The following CLEC12A variants were observed in gnomAD, a reference collection of about 807,000 sequenced individuals.
CLEC12A encodes C-type lectin protein CLL-1.
Under a neutral mutation model 26.5 loss-of-function variants are expected in CLEC12A, and 22 were observed. That is an observed-to-expected ratio of 0.83 (90% CI 0.59 to 1.19). CLEC12A has a LOEUF of 1.19. Among genes scored for constraint, CLEC12A ranks in the 50% most tolerant of loss-of-function variants. The pLI, the probability that CLEC12A is intolerant of heterozygous loss-of-function variation, is 0.00. For missense variants in CLEC12A, 353 were observed against 315.6 expected, an observed-to-expected ratio of 1.12 and a Z score of -0.90; for synonymous variants, 119 against 101.9, an observed-to-expected ratio of 1.17 and a Z score of -1.01.
chr12:9,957,794 T>A (rs1023879795), intron 1 of CLEC12A, among the ~76,000 whole-genome samples: 6 of 152,226 alleles, frequency 3.9e-5, no homozygotes, highest in Non-Finnish European at 7.3e-5. Context: ...AGGGTGAAAT[T>A]CAATCGAATA....
chr12:9,994,847 ACACT>A (rs1173168219), intron 4 of CLEC12A, among the ~76,000 whole-genome samples: 4 of 152,056 alleles, frequency 2.6e-5, no homozygotes, highest in South Asian at 2.1e-4. Flanking sequence ...ACACACACAC[ACACT>A]CACACATACA....
At chr12:9,975,226 T>C (rs947082622) in intron 1 of CLEC12A, among the ~76,000 whole-genome samples, 10 of 152,152 alleles carry the variant, frequency 6.6e-5, no homozygotes, top group African/African-American at 2.4e-4. Context: ...TACCCAAAAA[T>C]CTGAAAGAGA....
At chr12:10,002,764 T>C in the CLEC12A span, among the ~76,000 whole-genome samples, 1 of 152,170 alleles carries the variant, frequency 6.6e-6, no homozygotes, top group Non-Finnish European at 1.5e-5. Flanking sequence ...TTTTAATCAT[T>C]ACACTTCTTG....
chr12:9,999,194 C>G, downstream of CLEC12A: 4 of 812,310 alleles, frequency 4.9e-6, no homozygotes, highest in Non-Finnish European at 8.3e-6. Flanking sequence ...AGTTTATGAT[C>G]TTCCTGTCTT....
the CLEC12A span, among the ~76,000 whole-genome samples, chr12:10,003,300 T>A: frequency 1.3e-5 from 2 of 152,222 alleles, no homozygotes; most frequent in African/African-American, 4.8e-5. Context: ...GAGCTTTTTT[T>A]TAAAGTTAAT....
At chr12:9,964,217 G>A (rs1233585814) in intron 1 of CLEC12A, among the ~76,000 whole-genome samples, 1 of 152,172 alleles carries the variant, frequency 6.6e-6, no homozygotes, top group Non-Finnish European at 1.5e-5. Flanking sequence ...AGCTGGACCT[G>A]TCTAGAAAGT....
intron 5 of CLEC12A, among the ~76,000 whole-genome samples, chr12:9,983,130 C>T (rs910481651): frequency 3.3e-5 from 5 of 151,826 alleles, no homozygotes; most frequent in African/African-American, 1.2e-4. Context: ...GTGTAGGTGT[C>T]TTTTTTTTAA....
chr12:9,951,600 C>G (rs1390464948), intron 1 of CLEC12A: 5 of 515,768 alleles, frequency 9.7e-6, no homozygotes, highest in South Asian at 9.1e-5. Flanking sequence ...CCGAAGGAAT[C>G]TCCATTTGCA....
At chr12:9,970,790 A>G (rs1864098267), upstream of CLEC12A, among the ~76,000 whole-genome samples, 2 of 152,184 alleles carry the variant, frequency 1.3e-5, no homozygotes. Flanking sequence ...ATCAGTATGC[A>G]TACTCTCTGG....
chr12:9,994,869 GCACA>G (rs1316618119), intron 4 of CLEC12A: 2 of 650,462 alleles, frequency 3.1e-6, no homozygotes, highest in Admixed American at 3.0e-5. Context: ...ACACATACAT[GCACA>G]CAGTGTTCCA....
At position 9,994,675 on chromosome 12, in the gene CLEC12A, C is replaced by T. The variant is rs74928872; in HGVS notation, n.1005-343C>T. Among the ~76,000 whole-genome samples the T allele has an allele frequency of 9.0e-3, 1,368 of 152,068 alleles. 18 individuals are homozygous for T. Among genetic ancestry groups the T allele is most frequent in the African/African-American group, 0.031 (1,294 of 41,484 alleles). ...AATGTATCGAATTCTTGGAGACTCC[C>T]AGAATAGAGGAATAGGCAAAACAAT... On this transcript the variant is annotated intron_variant and non_coding_transcript_variant, in intron 4 of 4. Coordinates refer to the CLEC12A transcript ENST00000449959.
chr12:10,002,738 G>A, the CLEC12A span, among the ~76,000 whole-genome samples: 354 of 152,178 alleles, frequency 2.3e-3, 3 homozygotes, highest in African/African-American at 7.9e-3. Flanking sequence ...CACCGCACCC[G>A]GCAATTTGAG....
intron 1 of CLEC12A, among the ~76,000 whole-genome samples, chr12:9,960,330 A>G (rs567995849): frequency 6.6e-6 from 1 of 152,366 alleles, no homozygotes; most frequent in South Asian, 2.1e-4. Context: ...CACATATAAG[A>G]TATAATGAAT....
chr12:9,976,782 G>A (rs117727468), intron 1 of CLEC12A, among the ~76,000 whole-genome samples: 1,619 of 152,258 alleles, frequency 0.011, 18 homozygotes, highest in Middle Eastern at 0.017. Flanking sequence ...CAATTTCCAC[G>A]TGTTGTTGGA....
At chr12:9,989,702 A>G (rs1469336925), downstream of CLEC12A, among the ~76,000 whole-genome samples, 3 of 152,358 alleles carry the variant, frequency 2.0e-5, no homozygotes, top group East Asian at 5.8e-4. Flanking sequence ...TCCAGAAGAT[A>G]TAGCTAAGAT....
downstream of CLEC12A, chr12:9,997,180 G>C: frequency 6.2e-7 from 1 of 1,613,950 alleles, no homozygotes; most frequent in South Asian, 1.1e-5. Flanking sequence ...CTTTAGTTCT[G>C]ATTGTTTTAC....
chr12:9,982,818 T>A (rs1230421485), intron 5 of CLEC12A, among the ~76,000 whole-genome samples: 6 of 152,138 alleles, frequency 3.9e-5, no homozygotes, highest in Admixed American at 3.9e-4. Flanking sequence ...GAGTCTCCAA[T>A]GTCTATTATT....
chr12:9,995,974 T>G (rs1865035426), downstream of CLEC12A, among the ~76,000 whole-genome samples: 1 of 152,188 alleles, frequency 6.6e-6, no homozygotes. Flanking sequence ...AATGAAGGAA[T>G]AAGTGAATCA....
downstream of CLEC12A, chr12:9,997,336 AAGGTC>A: frequency 1.3e-6 from 2 of 1,484,732 alleles, no homozygotes; most frequent in Middle Eastern, 1.8e-4. Flanking sequence ...AAATGATGCA[AAGGTC>A]TGTCATTGAA....
Sources: allele counts gnomAD v4.1 joint callset (sites outside exome capture counted in the v4.1 genomes callset), GRCh38; gene constraint gnomAD v4.1.1; transcripts MANE v1.5; gene names NCBI Gene and HGNC (gene_info 2026-07-23, HGNC 2026-07-21).